Variants in CABIN1 observed in about 807,000 individuals in gnomAD.
The protein encoded by CABIN1 is calcineurin-binding protein cabin-1.
Under a neutral mutation model 227.7 loss-of-function variants are expected in CABIN1, and 133 were observed. The ratio of observed to expected loss-of-function variants is 0.58; its 90% CI spans 0.51 to 0.67. The LOEUF is 0.67. CABIN1 is among the 30% of genes least tolerant of loss of function. The probability of loss-of-function intolerance (pLI) is 0.00; values close to 1 mark genes in which losing one functional copy is unlikely to be tolerated. For missense variants in CABIN1, 2,408 were observed against 2,852.5 expected (o/e 0.84, Z 3.55); for synonymous variants, 1,086 against 1,155.1 (o/e 0.94, Z 1.21).
At position 24,072,449 on chromosome 22, in the gene CABIN1, G is replaced by A; in HGVS notation, c.2571G>A (p.Gln857=). ...TCATTCTACACCGGATCATCTGGCA[G>A]GAGGAAGACACCTTCCATTCTCTGT... ...PWIILHRIIW[Q]EEDTFHSLCH... Residue 857 remains glutamine, a synonymous_variant, in exon 18 of 37, where the codon CAG becomes CAA. Coordinates refer to ENST00000263119, the MANE Select transcript of CABIN1 (RefSeq NM_012295.4). The A allele has an allele frequency of 6.2e-7, 1 of 1,614,206 alleles. No individual in the cohort carries two copies. The highest frequency in any genetic ancestry group is 8.5e-7 in the Non-Finnish European group (1 of 1,180,044).
intron 8 of CABIN1, among the ~76,000 whole-genome samples, chr22:24,054,508 G>A (rs2038625780): frequency 6.6e-6 from 1 of 152,180 alleles, no homozygotes; most frequent in South Asian, 2.1e-4. Flanking sequence ...AGTTCCACAA[G>A]TGTTTTAAAG....
chr22:24,167,389 G>A, intron 32 of CABIN1, 76 bp downstream of exon 32: 1 of 1,434,022 alleles, frequency 7.0e-7, no homozygotes, highest in Non-Finnish European at 9.6e-7. Flanking sequence ...TCCTCAAGGA[G>A]GGTCTCCCAG....
chr22:24,067,588 T>C (rs1347461174), intron 16 of CABIN1, among the ~76,000 whole-genome samples: 2 of 152,224 alleles, frequency 1.3e-5, no homozygotes, highest in Non-Finnish European at 2.9e-5. Context: ...TAAAGACCAA[T>C]GTGTTGAAGA....
chr22:24,071,282 C>A, intron 17 of CABIN1: 1 of 570,966 alleles, frequency 1.8e-6, no homozygotes, highest in Non-Finnish European at 3.2e-6. Context: ...TGGGGTTCTT[C>A]CAGACCATCC....
chr22:24,036,880 A>G (rs1409919189), intron 3 of CABIN1, among the ~76,000 whole-genome samples: 2 of 152,064 alleles, frequency 1.3e-5, no homozygotes, highest in African/African-American at 4.8e-5. Flanking sequence ...GTGAGGCTCA[A>G]CCTACCCAGT....
chr22:24,122,995 T>G (rs958368657), intron 28 of CABIN1, among the ~76,000 whole-genome samples: 4 of 152,086 alleles, frequency 2.6e-5, no homozygotes, highest in Non-Finnish European at 5.9e-5. Context: ...CCAGGCAATC[T>G]CATGCTGGCC....
chr22:24,062,111 G>A, intron 13 of CABIN1, 86 bp downstream of exon 13: 1 of 1,139,234 alleles, frequency 8.8e-7, no homozygotes, highest in South Asian at 1.2e-5. Flanking sequence ...ACTGAGTCAT[G>A]GAATTTAGCC....
rs754478088 is a variant in CABIN1 at position 24,176,208 on chromosome 22, G to A, written c.6138G>A (p.Pro2046=). 28 of 1,610,528 alleles carry A rather than the reference G, an allele frequency of 1.7e-5. No homozygotes were observed. Among genetic ancestry groups the A allele is most frequent in the Admixed American group, 1.3e-4 (8 of 59,766 alleles). ...TGAAGATGGCCCCCACAAGTTCCCC[G>A]GCAGAGCCACACTGCTGGCCGGCAG... ...PQVKMAPTSS[P]AEPHCWPAEA... is the part of the protein sequence containing the mutation. Residue 2046 remains proline, a synonymous_variant, in exon 35 of 37, where the codon CCG becomes CCA. Transcript: ENST00000263119.
rs929910028 is a variant in CABIN1 at position 24,043,510 on chromosome 22, A to C, written c.526+426A>C. ...CTCACGCCTGTAATCCCAGCACTTT[A>C]GGGGGCCAAGGCAGGCAGATCACTT... On this transcript the variant is annotated intron_variant, in intron 6 of 36. Coordinates refer to ENST00000263119, the MANE Select transcript of CABIN1 (RefSeq NM_012295.4). Among the ~76,000 whole-genome samples the C allele has an allele frequency of 2.0e-5, 3 of 151,880 alleles. No homozygotes were observed. The East Asian group carries it at 5.8e-4, about 29-fold the overall frequency.
In CABIN1 at chr22:24,097,791, C is replaced by T. The variant is rs551849832; in HGVS notation, c.3939-223C>T. The stretch of plus-strand genomic sequence containing the variant: ...GCCTGAAATTCAGAGATGCAGGTCG[C>T]GCCCTGCCAGAAAGATTAGGCAGTG... On this transcript the variant is annotated intron_variant, in intron 25 of 36. Transcript: ENST00000263119. Among the ~76,000 whole-genome samples the T allele has an allele frequency of 7.2e-5, 11 of 152,256 alleles. No individual in the cohort carries two copies. The East Asian group carries it at 2.1e-3, about 29-fold the overall frequency.
At chr22:24,124,614 A>T (rs955366078) in intron 28 of CABIN1, among the ~76,000 whole-genome samples, 8 of 151,568 alleles carry the variant, frequency 5.3e-5, no homozygotes, top group African/African-American at 1.9e-4. Flanking sequence ...ATCTTCACCA[A>T]GATTTTGAGG....
intron 27 of CABIN1, 31 bp from the exon 28 acceptor site, chr22:24,119,336 G>A: frequency 6.3e-7 from 1 of 1,593,154 alleles, no homozygotes. Context: ...TAAAACCAGG[G>A]TGACTTTCTT....
At chr22:24,115,829 TA>T (rs1391041126) in intron 27 of CABIN1, among the ~76,000 whole-genome samples, 1 of 152,234 alleles carries the variant, frequency 6.6e-6, no homozygotes, top group East Asian at 1.9e-4. Context: ...TGGAGAGTCC[TA>T]CCACCAGCCT....
chr22:24,040,403 T>C (rs1273827929), intron 4 of CABIN1, among the ~76,000 whole-genome samples: 1 of 152,242 alleles, frequency 6.6e-6, no homozygotes, highest in Non-Finnish European at 1.5e-5. Flanking sequence ...GGAAGCCACC[T>C]GCCCCAGGAA....
rs547782203 is a variant in CABIN1, at chr22:24,177,980, G to A, written c.6520-73G>A. On this transcript the variant is annotated intron_variant, in intron 36 of 36. Coordinates refer to ENST00000263119, the MANE Select transcript of CABIN1 (RefSeq NM_012295.4). The surrounding 1 kb of genome is among the most constrained non-coding windows in gnomAD (Gnocchi z 4.4). ...GGTGGGAGGGGGGCCTGGGGCAGGG[G>A]TGAAGGTGGCAGAGGGGCTTGGGGC... 2 of 1,605,776 alleles carry A rather than the reference G, an allele frequency of 1.2e-6. No homozygotes were observed. The highest frequency in any genetic ancestry group is 2.2e-5 in the South Asian group (2 of 90,792).
At chr22:24,045,042 C>T (rs1207752945) in intron 6 of CABIN1, among the ~76,000 whole-genome samples, 1 of 152,032 alleles carries the variant, frequency 6.6e-6, no homozygotes, top group Non-Finnish European at 1.5e-5. Flanking sequence ...GCCTCAGCCT[C>T]CAAAGTAGCT....
At chr22:24,076,332 G>T in intron 19 of CABIN1, 48 bp downstream of exon 19, 1 of 1,491,220 alleles carries the variant, frequency 6.7e-7, no homozygotes, top group Non-Finnish European at 9.4e-7. Context: ...GGGCAGGGCT[G>T]GGGTGGGAGG....
At chr22:24,145,682 C>T (rs1360706498) in intron 29 of CABIN1, among the ~76,000 whole-genome samples, 1 of 152,156 alleles carries the variant, frequency 6.6e-6, no homozygotes, top group Non-Finnish European at 1.5e-5. Flanking sequence ...ATATGTCTGT[C>T]CTCCAATGGA....
At chr22:24,110,881 T>TTTA (rs1222581558) in intron 26 of CABIN1, among the ~76,000 whole-genome samples, 45 of 151,798 alleles carry the variant, frequency 3.0e-4, no homozygotes, top group East Asian at 1.2e-3. Flanking sequence ...TTTTTTTTTT[T>TTTA]AAATGTGTGT....
Sources: allele counts gnomAD v4.1 joint callset (sites outside exome capture counted in the v4.1 genomes callset), GRCh38; gene constraint gnomAD v4.1.1; non-coding constraint Gnocchi (gnomAD v3.1); transcripts MANE v1.5; gene names NCBI Gene and HGNC (gene_info 2026-07-23, HGNC 2026-07-21).